PLPPR2: variants seen among roughly 807,000 people sequenced by gnomAD.
The protein encoded by PLPPR2 is phospholipid phosphatase related 2.
A neutral mutation model predicts 40.3 loss-of-function variants in PLPPR2; 11 were observed. The ratio of observed to expected loss-of-function variants is 0.27; its 90% CI spans 0.17 to 0.45. The LOEUF (loss-of-function observed/expected upper bound fraction) is 0.45. PLPPR2 is among the 20% of genes least tolerant of loss of function. The pLI, the probability that PLPPR2 is intolerant of heterozygous loss-of-function variation, is 1.00. For synonymous variants in PLPPR2, 260 were observed against 290.8 expected (o/e 0.89, Z 1.08); for missense variants, 497 against 640.7 (o/e 0.78, Z 2.42).
rs751126799 is a variant in PLPPR2 at position 11,358,029 on chromosome 19, CTGTGTGTGTGTGTGTGTGTG to C, written c.66+304_66+323del. 2.6e-3 allele frequency among the ~76,000 whole-genome samples: 387 copies of C among 149,570 alleles called. 5 individuals are homozygous for C. Among genetic ancestry groups the C allele is most frequent in the African/African-American group, 1.2e-3 (49 of 40,542 alleles). ...GAGTCCCAACTCATAGGGCTGTTCT[CTGTGTGTGTGTGTGTGTGTG>C]TGTGTGTGTGTGTACGTGTGTTTGA... On this transcript the variant is annotated intron_variant, in intron 3 of 9. Transcript: ENST00000688289.
chr19:11,363,053 G>A lies in PLPPR2; in HGVS notation c.840+364G>A, dbSNP rs559449824. ...TCACGCCTGTAATCCCAGCACTTTGGGAAGCTGAGGCAGGCGGATCACTTG... is the reference window on the plus strand; with the variant it reads ...TCACGCCTGTAATCCCAGCACTTTGAGAAGCTGAGGCAGGCGGATCACTTG... On this transcript the variant is annotated intron_variant, in intron 7 of 9. Coordinates refer to ENST00000688289, the MANE Select transcript of PLPPR2 (RefSeq NM_001393892.1). The surrounding 1 kb of genome is among the most constrained non-coding windows in gnomAD (Gnocchi z 4.8). Among the ~76,000 whole-genome samples the A allele has an allele frequency of 2.0e-5, 3 of 152,270 alleles. No homozygotes were observed. In the South Asian group the frequency reaches 6.2e-4, roughly 32 times the overall value.
Position 11,363,200 on chromosome 19 carries a change from G to T in PLPPR2, c.840+511G>T, listed in dbSNP as rs2070841292. ...GGAGGCTGAGGCAGAAGAATCGCTTGAACCCGGGGGACGGAGGTTGCAGTG... is the reference window on the plus strand; with the variant it reads ...GGAGGCTGAGGCAGAAGAATCGCTTTAACCCGGGGGACGGAGGTTGCAGTG... On this transcript the variant is annotated intron_variant, in intron 7 of 9. Coordinates refer to ENST00000688289, the MANE Select transcript of PLPPR2 (RefSeq NM_001393892.1). The surrounding 1 kb of genome is among the most constrained non-coding windows in gnomAD (Gnocchi z 4.8). Among the ~76,000 whole-genome samples, 1 of 151,374 alleles carries T rather than the reference G, an allele frequency of 6.6e-6. No individual in the cohort carries two copies. Among genetic ancestry groups the T allele is most frequent in the South Asian group, 2.1e-4 (1 of 4,810 alleles).
Position 11,364,136 on chromosome 19 carries a change from C to T in PLPPR2, c.964-25C>T. The T allele has an allele frequency of 6.2e-7, 1 of 1,604,030 alleles. No individual in the cohort carries two copies. The highest frequency in any genetic ancestry group is 8.5e-7 in the Non-Finnish European group (1 of 1,174,114). On this transcript the variant is annotated intron_variant, in intron 8 of 9. Coordinates refer to ENST00000688289, the MANE Select transcript of PLPPR2 (RefSeq NM_001393892.1). The surrounding 1 kb of genome is among the most constrained non-coding windows in gnomAD (Gnocchi z 5.8). ...GGTAGGGCCCAGGGGGCCACTAGCCCCTTCCGTCTGTCTCTTTGTCTCAGG... is the reference window on the plus strand; with the variant it reads ...GGTAGGGCCCAGGGGGCCACTAGCCTCTTCCGTCTGTCTCTTTGTCTCAGG...
At chr19:11,355,983 G>A (rs1222355399) in intron 1 of PLPPR2, among the ~76,000 whole-genome samples, 1 of 151,530 alleles carries the variant, frequency 6.6e-6, no homozygotes, top group African/African-American at 2.4e-5. Flanking sequence ...ACTGCCATTG[G>A]CCCCCCGTGT....
At chr19:11,360,301 A>G (rs1023328331) in intron 5 of PLPPR2, among the ~76,000 whole-genome samples, 21 of 151,980 alleles carry the variant, frequency 1.4e-4, no homozygotes, top group East Asian at 5.8e-4. Context: ...AAAAAAAAAA[A>G]AAGAAGAATT....
chr19:11,365,474 T>G lies in PLPPR2; in HGVS notation c.*784T>G, dbSNP rs2144683793. 6.5e-6 allele frequency: 1 copy of G among 152,850 alleles called. No homozygotes were observed. Among genetic ancestry groups the G allele is most frequent in the East Asian group, 1.9e-4 (1 of 5,176 alleles). 9.5% of individuals were successfully genotyped at this position (152,850 alleles called of 1,614,324 possible). On this transcript the variant is annotated 3_prime_UTR_variant, in exon 10 of 10. Coordinates refer to ENST00000688289, the MANE Select transcript of PLPPR2 (RefSeq NM_001393892.1). ...TTATTAGGGCTGTGGGAAGGGTTTT[T>G]CTTCTTTTTCTTGGAACCTGCCCCT...
chr19:11,364,325 A>G lies in PLPPR2; in HGVS notation c.1016-22A>G. ...GCCTCCCGAGTTTTCTGATCCCCTG[A>G]TATCTGGCTTCTGACCACCAGAGTC... On this transcript the variant is annotated intron_variant, in intron 9 of 9. Transcript: ENST00000688289. This position sits in a 1 kb window ranked among gnomAD's most constrained non-coding sequence, Gnocchi z 5.8. The G allele has an allele frequency of 6.6e-7, 1 of 1,519,438 alleles. No homozygotes were observed. The highest frequency in any genetic ancestry group is 8.8e-7 in the Non-Finnish European group (1 of 1,133,852). The allele number at this position is 1,519,438 out of a possible 1,614,324, so 94.1% of individuals were successfully genotyped here.
chr19:11,359,857 GCAC>G lies in PLPPR2; in HGVS notation c.297_299del (p.Pro100del), dbSNP rs1967995559. 1 of 1,613,502 alleles carries G rather than the reference GCAC, an allele frequency of 6.2e-7. No individual in the cohort carries two copies. The highest frequency in any genetic ancestry group is 1.1e-5 in the South Asian group (1 of 90,998). On this transcript the variant is annotated inframe_deletion, in exon 5 of 10. Coordinates refer to ENST00000688289, the MANE Select transcript of PLPPR2 (RefSeq NM_001393892.1). The surrounding 1 kb of genome is among the most constrained non-coding windows in gnomAD (Gnocchi z 5.6). ...AGAGCTGGCGCGTGCCTTTTTCCCTGCACCACCTTCAGCCGTCCCAGTCATCGG... is the reference window on the plus strand; with the variant it reads ...AGAGCTGGCGCGTGCCTTTTTCCCTGCACCTTCAGCCGTCCCAGTCATCGG...
rs1968055824 is a variant in PLPPR2 at position 11,361,850 on chromosome 19, T to TTAGCTG, written c.663+363_663+368dup. Among the ~76,000 whole-genome samples the TTAGCTG allele has an allele frequency of 2.6e-5, 4 of 152,090 alleles. No individual in the cohort carries two copies. Among genetic ancestry groups the TTAGCTG allele is most frequent in the Non-Finnish European group, 5.9e-5 (4 of 68,008 alleles). ...CCCAGGATGCTACAGGCGCTAGATA[T>TTAGCTG]TAGCTGGCAGACTGGGCAGATGGGA... On this transcript the variant is annotated intron_variant, in intron 6 of 9. Coordinates refer to ENST00000688289, the MANE Select transcript of PLPPR2 (RefSeq NM_001393892.1). The surrounding 1 kb of genome is among the most constrained non-coding windows in gnomAD (Gnocchi z 6.3).
chr19:11,362,415 C>A lies in PLPPR2; in HGVS notation c.664-98C>A. ...GAGCCCCTGGCCACTCCCTCCAGCCCCAACGCTCTGGCCATGCGCTCTAGC... is the reference window on the plus strand; with the variant it reads ...GAGCCCCTGGCCACTCCCTCCAGCCACAACGCTCTGGCCATGCGCTCTAGC... On this transcript the variant is annotated intron_variant, in intron 6 of 9. Coordinates refer to ENST00000688289, the MANE Select transcript of PLPPR2 (RefSeq NM_001393892.1). This position sits in a 1 kb window ranked among gnomAD's most constrained non-coding sequence, Gnocchi z 5.3. The A allele has an allele frequency of 6.8e-7, 1 of 1,470,510 alleles. No homozygotes were observed. The highest frequency in any genetic ancestry group is 9.3e-7 in the Non-Finnish European group (1 of 1,069,616). 91.1% of individuals were successfully genotyped at this position (1,470,510 alleles called of 1,614,324 possible).
rs1967999776 is a variant in PLPPR2, at chr19:11,359,965, C to T, written c.391+9C>T. 4 of 1,597,160 alleles carry T rather than the reference C, an allele frequency of 2.5e-6. No homozygotes were observed. The highest frequency in any genetic ancestry group is 2.7e-5 in the African/African-American group (2 of 74,720). On this transcript the variant is annotated intron_variant, in intron 5 of 9. Coordinates refer to ENST00000688289, the MANE Select transcript of PLPPR2 (RefSeq NM_001393892.1). This position sits in a 1 kb window ranked among gnomAD's most constrained non-coding sequence, Gnocchi z 5.6. ...GCTGGTCCGCTTCCTGGGTGAGAGACATGGCCTGGGGTCAGCCCCATGGTA... is the reference window on the plus strand; with the variant it reads ...GCTGGTCCGCTTCCTGGGTGAGAGATATGGCCTGGGGTCAGCCCCATGGTA...
At position 11,363,693 on chromosome 19, in the gene PLPPR2, C is replaced by T; in HGVS notation, c.841-20C>T. The T allele has an allele frequency of 6.2e-7, 1 of 1,603,990 alleles. No homozygotes were observed. The highest frequency in any genetic ancestry group is 2.2e-5 in the East Asian group (1 of 44,618). ...GTGACTTGCCCCAGGCCTCAACACT[C>T]TCCTCTCCCTCTATTCCAGGTCACC... On this transcript the variant is annotated intron_variant, in intron 7 of 9. Transcript: ENST00000688289. This position sits in a 1 kb window ranked among gnomAD's most constrained non-coding sequence, Gnocchi z 4.8.
At chr19:11,356,204 C>A (rs1246056196) in intron 1 of PLPPR2, among the ~76,000 whole-genome samples, 1 of 151,886 alleles carries the variant, frequency 6.6e-6, no homozygotes, top group African/African-American at 2.4e-5. Flanking sequence ...CCTTGTCTCT[C>A]CCCTGTGACT....
rs1028076882 is a variant in PLPPR2 at position 11,363,930 on chromosome 19, C to T, written c.963+95C>T. ...GAAGTCAGGCAAGAGGTGGGGGTCT[C>T]AGAACCATGGGGAAGTGGAGGGATC... On this transcript the variant is annotated intron_variant, in intron 8 of 9. Transcript: ENST00000688289. This position sits in a 1 kb window ranked among gnomAD's most constrained non-coding sequence, Gnocchi z 4.8. 8.8e-5 allele frequency: 129 copies of T among 1,461,922 alleles called. No individual in the cohort carries two copies. Among genetic ancestry groups the T allele is most frequent in the Non-Finnish European group, 1.2e-4 (125 of 1,085,504 alleles). The allele number at this position is 1,461,922 out of a possible 1,614,324, so 90.6% of individuals were successfully genotyped here.
Position 11,362,732 on chromosome 19 carries a change from C to CAGCT in PLPPR2, c.840+44_840+47dup. The CAGCT allele has an allele frequency of 1.9e-6, 3 of 1,583,720 alleles. No individual in the cohort carries two copies. The highest frequency in any genetic ancestry group is 2.6e-6 in the Non-Finnish European group (3 of 1,162,990). ...CCTTCCCAGCATGGAAGACCCTCAC[C>CAGCT]AGCTCTCTGACCCAAGAGGCAGGAC... On this transcript the variant is annotated intron_variant, in intron 7 of 9. Transcript: ENST00000688289. This position sits in a 1 kb window ranked among gnomAD's most constrained non-coding sequence, Gnocchi z 5.3.
chr19:11,359,581 C>A lies in PLPPR2; in HGVS notation c.116C>A (p.Thr39Lys). The A allele has an allele frequency of 1.9e-6, 3 of 1,599,504 alleles. No individual in the cohort carries two copies. Among genetic ancestry groups the A allele is most frequent in the South Asian group, 1.1e-5 (1 of 89,130 alleles). The change falls in exon 4 of 10, where the codon ACG (threonine) becomes AAG (lysine). Residue 39 changes from threonine (T) to lysine (K), a missense_variant. Thr to Lys is a moderately conservative substitution (Grantham distance 78, BLOSUM62 -1). Coordinates refer to ENST00000688289, the MANE Select transcript of PLPPR2 (RefSeq NM_001393892.1). The surrounding 1 kb of genome is among the most constrained non-coding windows in gnomAD (Gnocchi z 5.6). ...VILLAYRLEF[T>K]DTFPVHTQGF... ...CTGCTTGCTTACCGCCTGGAGTTCA[C>A]GGACACCTTCCCTGTGCACACCCAG...
chr19:11,355,696 A>G (rs1054088011), intron 1 of PLPPR2, 124 bp downstream of exon 1: 1 of 71,592 alleles, frequency 1.4e-5, no homozygotes, highest in Non-Finnish European at 3.1e-5. Flanking sequence ...GGGGGAGGGG[A>G]GGCGGCGAGC....
chr19:11,364,044 A>G lies in PLPPR2; in HGVS notation c.964-117A>G. ...TCTTCTTCCCAGGGGGACACGGTTA[A>G]TCATGAGAACTGTGGTTGTCTTTTC... On this transcript the variant is annotated intron_variant, in intron 8 of 9. Coordinates refer to ENST00000688289, the MANE Select transcript of PLPPR2 (RefSeq NM_001393892.1). The surrounding 1 kb of genome is among the most constrained non-coding windows in gnomAD (Gnocchi z 5.8). 7.0e-7 allele frequency: 1 copy of G among 1,419,158 alleles called. No individual in the cohort carries two copies. The highest frequency in any genetic ancestry group is 9.6e-7 in the Non-Finnish European group (1 of 1,042,310). The allele number at this position is 1,419,158 out of a possible 1,614,324, so 87.9% of individuals were successfully genotyped here.
At chr19:11,360,543 T>C (rs987675259) in intron 5 of PLPPR2, among the ~76,000 whole-genome samples, 12 of 152,034 alleles carry the variant, frequency 7.9e-5, no homozygotes, top group African/African-American at 2.9e-4. Context: ...ATGGAGGTTC[T>C]AGGGACATGG....
Sources: allele counts gnomAD v4.1 joint callset (sites outside exome capture counted in the v4.1 genomes callset), GRCh38; gene constraint gnomAD v4.1.1; non-coding constraint Gnocchi (gnomAD v3.1); transcripts MANE v1.5; gene names NCBI Gene and HGNC (gene_info 2026-07-23, HGNC 2026-07-21).